MSH4: variants seen among roughly 807,000 people sequenced by gnomAD.
MSH4 encodes mutS protein homolog 4.
A neutral mutation model predicts 113.7 loss-of-function variants in MSH4; 106 were observed. The ratio of observed to expected loss-of-function variants is 0.93; its 90% CI spans 0.80 to 1.10. The LOEUF is 1.10. Among genes scored for constraint, MSH4 ranks in the 50% least tolerant of loss-of-function variants. The probability of loss-of-function intolerance (pLI) is 0.00; values close to 1 mark genes in which losing one functional copy is unlikely to be tolerated. For missense variants in MSH4, 1,061 were observed against 1,093.7 expected (o/e 0.97, Z 0.42); for synonymous variants, 368 against 380.2 (o/e 0.97, Z 0.37).
chr1:75,872,849 G>T (rs1651744381), intron 9 of MSH4, among the ~76,000 whole-genome samples: 1 of 152,210 alleles, frequency 6.6e-6, no homozygotes, highest in Non-Finnish European at 1.5e-5. Flanking sequence ...TGATGAGTTT[G>T]CCAAGGTCAT....
intron 8 of MSH4, among the ~76,000 whole-genome samples, chr1:75,858,176 G>C (rs904576534): frequency 2.6e-5 from 4 of 152,186 alleles, no homozygotes; most frequent in African/African-American, 9.7e-5. Context: ...CTGAGACAAT[G>C]GGGTTTTCTA....
intron 5 of MSH4, 32 bp downstream of exon 5, chr1:75,815,168 GC>G: frequency 8.7e-7 from 1 of 1,146,100 alleles, no homozygotes; most frequent in Non-Finnish European, 1.2e-6. Context: ...TTTTTTACTA[GC>G]CCACAGCTAC....
At chr1:75,810,281 C>T (rs908480546) in intron 3 of MSH4, among the ~76,000 whole-genome samples, 9 of 151,898 alleles carry the variant, frequency 5.9e-5, no homozygotes, top group East Asian at 1.9e-4. Context: ...CCTAGACTGG[C>T]GTGCAAAGGT....
chr1:75,912,691 G>A lies in MSH4; in HGVS notation c.2620-5G>A. On this transcript the variant is annotated splice_polypyrimidine_tract_variant and splice_region_variant and intron_variant, in intron 19 of 19. Transcript: ENST00000263187. The stretch of plus-strand genomic sequence containing the variant: ...ATATATATATTTTTTTTTTTTCAAT[G>A]ACAGCAAAACCAAAGGAGTACCCCT... The A allele has an allele frequency of 1.4e-6, 2 of 1,456,788 alleles. No individual in the cohort carries two copies. Among genetic ancestry groups the A allele is most frequent in the Non-Finnish European group, 1.8e-6 (2 of 1,109,244 alleles). The allele number at this position is 1,456,788 out of a possible 1,614,324, so 90.2% of individuals were successfully genotyped here. A position where few individuals can be genotyped will look rare whatever the true frequency, so the allele number is the denominator to read the frequency against.
intron 19 of MSH4, among the ~76,000 whole-genome samples, chr1:75,902,858 T>C (rs1022526528): frequency 3.3e-5 from 5 of 150,336 alleles, no homozygotes; most frequent in East Asian, 3.9e-4. Flanking sequence ...AATGTTTTAA[T>C]TGGGTTTATT....
chr1:75,893,581 T>C (rs760209102), intron 17 of MSH4, among the ~76,000 whole-genome samples: 11 of 152,316 alleles, frequency 7.2e-5, no homozygotes, highest in Non-Finnish European at 1.3e-4. Flanking sequence ...TCCCAGCCAA[T>C]GCTGAGTCTC....
intron 19 of MSH4, among the ~76,000 whole-genome samples, chr1:75,909,611 G>A (rs1652744219): frequency 6.6e-6 from 1 of 151,896 alleles, no homozygotes; most frequent in African/African-American, 2.4e-5. Context: ...GCATGCATTA[G>A]ATATTTGTCC....
intron 15 of MSH4, 150 bp downstream of exon 15, chr1:75,883,971 T>C: frequency 1.7e-6 from 1 of 603,114 alleles, no homozygotes; most frequent in Non-Finnish European, 2.8e-6. Context: ...GTCTGTTGTG[T>C]AAACTATAAC....
At chr1:75,882,870 G>C (rs5745481) in intron 14 of MSH4, among the ~76,000 whole-genome samples, 245 of 152,002 alleles carry the variant, frequency 1.6e-3, no homozygotes, top group African/African-American at 5.6e-3. Flanking sequence ...AATGCTAAGC[G>C]TACCAAATTT....
chr1:75,879,778 A>G (rs1651891701), intron 12 of MSH4, among the ~76,000 whole-genome samples: 1 of 152,174 alleles, frequency 6.6e-6, no homozygotes, highest in South Asian at 2.1e-4. Context: ...TGTTTTTAAC[A>G]TTTTAAGACC....
At chr1:75,821,609 A>T (rs1650413129) in intron 6 of MSH4, among the ~76,000 whole-genome samples, 1 of 152,186 alleles carries the variant, frequency 6.6e-6, no homozygotes, top group South Asian at 2.1e-4. Context: ...AAATCAAAAT[A>T]TATCTAAAAA....
At chr1:75,901,493 T>C (rs1344389587) in intron 19 of MSH4, among the ~76,000 whole-genome samples, 3 of 152,196 alleles carry the variant, frequency 2.0e-5, no homozygotes, top group Non-Finnish European at 2.9e-5. Context: ...ATTTCATTTC[T>C]TTCTTTTTTG....
At chr1:75,832,325 T>G (rs953985047) in intron 7 of MSH4, among the ~76,000 whole-genome samples, 6 of 152,092 alleles carry the variant, frequency 3.9e-5, no homozygotes, top group Middle Eastern at 3.4e-3. Context: ...TCCAGGACCA[T>G]ATGGATTCAC....
intron 19 of MSH4, among the ~76,000 whole-genome samples, chr1:75,903,460 A>G (rs543485846): frequency 1.3e-5 from 2 of 151,978 alleles, no homozygotes; most frequent in Admixed American, 6.6e-5. Context: ...GTCAGATAGC[A>G]TGATGTTTCT....
chr1:75,894,695 A>G (rs886423717), intron 17 of MSH4, among the ~76,000 whole-genome samples: 2 of 152,210 alleles, frequency 1.3e-5, no homozygotes, highest in Non-Finnish European at 2.9e-5. Flanking sequence ...CTTCTGATCA[A>G]GGAACTTACT....
chr1:75,863,426 C>T (rs1651502119), intron 8 of MSH4, among the ~76,000 whole-genome samples: 1 of 152,124 alleles, frequency 6.6e-6, no homozygotes, highest in African/African-American at 2.4e-5. Context: ...GAAATATAAA[C>T]ATGCTATTAT....
At chr1:75,905,216 A>G (rs559316246) in intron 19 of MSH4, among the ~76,000 whole-genome samples, 2 of 149,726 alleles carry the variant, frequency 1.3e-5, no homozygotes, top group East Asian at 4.0e-4. Flanking sequence ...TCTTAGCAAT[A>G]TGTTGCTGTA....
chr1:75,800,194 C>G (rs1367628186), intron 1 of MSH4, among the ~76,000 whole-genome samples: 4 of 152,130 alleles, frequency 2.6e-5, no homozygotes, highest in African/African-American at 9.7e-5. Context: ...CCTTAGCTCC[C>G]TAAAGCCTAG....
chr1:75,853,010 C>T (rs6666818), intron 8 of MSH4, among the ~76,000 whole-genome samples: 39,270 of 152,064 alleles, frequency 0.26, 6,543 homozygotes, highest in East Asian at 0.68. Context: ...GCTGAGCCTG[C>T]GTGACTTTTT....
Sources: gnomAD v4.1 joint callset for allele counts (sites outside exome capture counted in the v4.1 genomes callset) on GRCh38, gnomAD v4.1.1 for gene constraint, MANE v1.5 for transcripts, NCBI Gene and HGNC (gene_info 2026-07-23, HGNC 2026-07-21) for gene names.